The following EYS variants were observed in gnomAD, a reference collection of about 807,000 sequenced individuals.
EYS encodes the protein protein eyes shut homolog.
In EYS, 250 loss-of-function variants were observed where a neutral mutation model predicts 282.1. That is an observed-to-expected ratio of 0.89 (90% confidence interval 0.80 to 0.98). EYS has a LOEUF of 0.98. Ranked by LOEUF, EYS falls within the 50% of genes least tolerant of loss-of-function variation. The pLI is 0.00. For synonymous variants in EYS, 1,355 were observed against 1,282.9 expected (o/e 1.06, Z -1.20); for missense variants, 4,016 against 3,709.0 (o/e 1.08, Z -2.15).
intron 33 of EYS, among the ~76,000 whole-genome samples, chr6:64,050,318 C>A (rs1770765632): frequency 6.6e-6 from 1 of 152,076 alleles, no homozygotes; most frequent in Non-Finnish European, 1.5e-5. Flanking sequence ...TTACCTGGGA[C>A]ATTTTTCAAA....
chr6:63,937,345 C>CTTTTTTTTTTTTTTTTTTTTT (rs778809745), intron 35 of EYS, among the ~76,000 whole-genome samples: 5 of 54,472 alleles, frequency 9.2e-5, no homozygotes, highest in Non-Finnish European at 1.8e-4. Context: ...TCTCTCTTTT[C>CTTTTTTTTTTTTTTTTTTTTT]TTTTTTTTTT....
Position 65,144,007 on chromosome 6 carries a change from C to T in EYS, c.2024-86280G>A, listed in dbSNP as rs147607168. Among the ~76,000 whole-genome samples the T allele has an allele frequency of 1.9e-3, 283 of 152,068 alleles. 1 individual carries two copies. Among genetic ancestry groups the T allele is most frequent in the African/African-American group, 6.5e-3 (271 of 41,492 alleles). ...TTCACAAATGAAAATGTCCATATTG[C>T]CCAGTTAATACAAATTATTGAAATG... is the stretch of plus-strand genomic sequence containing the variant. On this transcript the variant is annotated intron_variant, in intron 12 of 42. Coordinates refer to ENST00000503581, the MANE Select transcript of EYS (RefSeq NM_001142800.2).
chr6:64,902,846 C>T (rs1258643277), intron 16 of EYS, among the ~76,000 whole-genome samples: 1 of 151,974 alleles, frequency 6.6e-6, no homozygotes, highest in African/African-American at 2.4e-5. Flanking sequence ...AATGTGATGA[C>T]CAATCTTAAA....
intron 5 of EYS, among the ~76,000 whole-genome samples, chr6:65,467,566 C>T (rs1765049772): frequency 6.6e-6 from 1 of 151,710 alleles, no homozygotes; most frequent in Non-Finnish European, 1.5e-5. Context: ...ATGAGAGAAA[C>T]TATCATAATG....
chr6:65,222,836 G>C (rs1194000367), intron 12 of EYS, among the ~76,000 whole-genome samples: 1 of 152,132 alleles, frequency 6.6e-6, no homozygotes, highest in African/African-American at 2.4e-5. Context: ...ATCACAGTAA[G>C]AAGAAACATG....
At chr6:64,964,915 C>A (rs1770043933) in intron 14 of EYS, among the ~76,000 whole-genome samples, 1 of 151,916 alleles carries the variant, frequency 6.6e-6, no homozygotes, top group Admixed American at 6.6e-5. Context: ...CACCTGTAAT[C>A]CCAGCCACTC....
At chr6:64,570,609 CAA>C (rs563281897) in intron 26 of EYS, among the ~76,000 whole-genome samples, 7 of 150,276 alleles carry the variant, frequency 4.7e-5, no homozygotes, top group Non-Finnish European at 1.0e-4. Context: ...AAATTGAAAG[CAA>C]AAAAAAGCAG....
chr6:64,499,424 A>G (rs1198918363), intron 26 of EYS, among the ~76,000 whole-genome samples: 1 of 152,138 alleles, frequency 6.6e-6, no homozygotes, highest in African/African-American at 2.4e-5. Context: ...GTTGTCAACA[A>G]CTGTCTGGGC....
At chr6:64,435,976 A>G (rs1242781783) in intron 28 of EYS, among the ~76,000 whole-genome samples, 198 bp downstream of exon 28, 1 of 151,948 alleles carries the variant, frequency 6.6e-6, no homozygotes, top group Non-Finnish European at 1.5e-5. Context: ...GAGTTCATTG[A>G]TAATGTAATC....
chr6:65,421,965 G>A (rs894677442), intron 5 of EYS, among the ~76,000 whole-genome samples: 5 of 151,858 alleles, frequency 3.3e-5, no homozygotes, highest in African/African-American at 1.2e-4. Context: ...CAATAAAAAA[G>A]TTTGAAATAT....
intron 22 of EYS, among the ~76,000 whole-genome samples, chr6:64,639,897 T>G (rs930369247): frequency 1.1e-4 from 13 of 123,634 alleles, no homozygotes; most frequent in Admixed American, 6.9e-4. Flanking sequence ...CATCAAAAAG[T>G]GGGCAAAGGA....
At chr6:64,033,228 T>C (rs1769946413) in intron 33 of EYS, among the ~76,000 whole-genome samples, 1 of 152,210 alleles carries the variant, frequency 6.6e-6, no homozygotes, top group Non-Finnish European at 1.5e-5. Flanking sequence ...TGTTTCTACT[T>C]CTCATACAGT....
At chr6:65,617,955 T>A (rs1428617023) in intron 2 of EYS, among the ~76,000 whole-genome samples, 2 of 152,094 alleles carry the variant, frequency 1.3e-5, no homozygotes, top group East Asian at 1.9e-4. Flanking sequence ...TCTATCATTG[T>A]TGGACATTTG....
chr6:64,758,163 T>G (rs975564941), intron 22 of EYS, among the ~76,000 whole-genome samples: 3 of 152,106 alleles, frequency 2.0e-5, no homozygotes, highest in African/African-American at 7.2e-5. Context: ...TGTGCTTTGT[T>G]CTTTGCTCCA....
rs186244304 is a variant in EYS at position 63,971,109 on chromosome 6, A to T, written c.7055+13274T>A. Among the ~76,000 whole-genome samples the T allele has an allele frequency of 1.4e-3, 220 of 152,338 alleles. 2 individuals carry two copies. The Middle Eastern group carries it at 0.031, about 21-fold the overall frequency. ...TCATTTCTACTGGACAAAAATCTAC[A>T]GTTAACCTCCAACCTTACAAAGTTG... is the stretch of plus-strand genomic sequence containing the variant. On this transcript the variant is annotated intron_variant, in intron 35 of 42. Coordinates refer to ENST00000503581, the MANE Select transcript of EYS (RefSeq NM_001142800.2).
chr6:64,971,268 G>C (rs1034560158), intron 14 of EYS, among the ~76,000 whole-genome samples: 2 of 148,358 alleles, frequency 1.3e-5, no homozygotes, highest in Admixed American at 1.4e-4. Flanking sequence ...ATATTTGCCT[G>C]AACAAATGCA....
chr6:65,405,620 A>T (rs189941227), intron 5 of EYS, among the ~76,000 whole-genome samples: 73 of 152,166 alleles, frequency 4.8e-4, no homozygotes, highest in African/African-American at 1.7e-3. Flanking sequence ...TTACCCAAAG[A>T]AGAGCTCTTT....
At chr6:65,595,200 T>C (rs981043488) in intron 2 of EYS, among the ~76,000 whole-genome samples, 3 of 152,090 alleles carry the variant, frequency 2.0e-5, no homozygotes, top group African/African-American at 4.8e-5. Flanking sequence ...ACCATCATTC[T>C]CAGCAAACTA....
intron 1 of EYS, among the ~76,000 whole-genome samples, chr6:65,693,788 A>G (rs1023514940): frequency 3.3e-5 from 5 of 150,046 alleles, no homozygotes; most frequent in Non-Finnish European, 4.4e-5. Flanking sequence ...GGAAGATCCT[A>G]TGTGTCTTGT....
Sources: allele counts gnomAD v4.1 joint callset (sites outside exome capture counted in the v4.1 genomes callset), GRCh38; gene constraint gnomAD v4.1.1; transcripts MANE v1.5; gene names NCBI Gene and HGNC (gene_info 2026-07-23, HGNC 2026-07-21).